MED12L: variants seen among roughly 807,000 people sequenced by gnomAD.
MED12L encodes the protein mediator complex subunit 12L.
In MED12L, 60 loss-of-function variants were observed where a neutral mutation model predicts 281.3. The ratio of observed to expected loss-of-function variants is 0.21; its 90% CI spans 0.17 to 0.26. The LOEUF is 0.26. Ranked by LOEUF, MED12L falls within the 10% of genes least tolerant of loss-of-function variation. The pLI is 1.00. For missense variants in MED12L, 2,146 were observed against 2,680.9 expected, an observed-to-expected ratio of 0.80 and a Z score of 4.41; for synonymous variants, 974 against 987.2, an observed-to-expected ratio of 0.99 and a Z score of 0.25.
chr3:151,241,774 G>A (rs1334328857), intron 16 of MED12L: 1 of 152,684 alleles, frequency 6.5e-6, no homozygotes, highest in African/African-American at 2.4e-5. Flanking sequence ...AATGAATTAG[G>A]GGAGGAGCCA....
chr3:151,253,862 T>G (rs1737297743), intron 16 of MED12L, among the ~76,000 whole-genome samples: 1 of 152,068 alleles, frequency 6.6e-6, no homozygotes. Context: ...AAGACTTAGC[T>G]CCACTGAAAA....
intron 16 of MED12L, among the ~76,000 whole-genome samples, chr3:151,349,851 A>C (rs1030849079): frequency 7.5e-6 from 1 of 133,942 alleles, no homozygotes; most frequent in East Asian, 2.5e-4. Context: ...GTCAGTTGAC[A>C]CTTTTTTTTT....
chr3:151,430,530 T>G (rs1468659617), intron 44 of MED12L, 150 bp downstream of exon 44: 1 of 1,303,062 alleles, frequency 7.7e-7, no homozygotes, highest in African/African-American at 1.5e-5. Flanking sequence ...ATTTTCATTC[T>G]GTCTTCGTTT....
At chr3:151,327,734 T>TTA (rs1749806079) in intron 16 of MED12L, 1 of 252,030 alleles carries the variant, frequency 4.0e-6, no homozygotes, top group Non-Finnish European at 7.2e-6. Context: ...CTCTTGAAAT[T>TTA]AAAAAAAAAA....
intron 5 of MED12L, among the ~76,000 whole-genome samples, chr3:151,130,700 T>A (rs990866922): frequency 2.6e-5 from 4 of 152,230 alleles, no homozygotes; most frequent in African/African-American, 9.6e-5. Context: ...CACATGGGCC[T>A]GCTCCCTTGC....
chr3:151,251,993 A>G (rs974338847), intron 16 of MED12L, among the ~76,000 whole-genome samples: 4 of 152,168 alleles, frequency 2.6e-5, no homozygotes, highest in Admixed American at 1.3e-4. Context: ...AAATTATTAC[A>G]TAACTGTGTA....
chr3:151,175,427 C>T (rs1002332031), intron 11 of MED12L, among the ~76,000 whole-genome samples: 1 of 152,122 alleles, frequency 6.6e-6, no homozygotes, highest in Non-Finnish European at 1.5e-5. Flanking sequence ...TTTTAAAAAA[C>T]GTTTCAACTC....
Position 151,383,693 on chromosome 3 carries a change from AAC to A in MED12L, c.4681-84_4681-83del, listed in dbSNP as rs1491378410. ...GCATCCCTTGTTTTTTTAAATAAAA[AAC>A]AATCAAAATTTGATAACATAAAGCA... On this transcript the variant is annotated intron_variant, in intron 33 of 44. Transcript: ENST00000687756. 2.9e-5 allele frequency: 24 copies of A among 816,904 alleles called. No individual in the cohort carries two copies. The African/African-American group carries it at 3.6e-4, about 12-fold the overall frequency. The allele number at this position is 816,904 out of a possible 1,614,324, so 50.6% of individuals were successfully genotyped here.
In MED12L at chr3:151,188,626, G is replaced by GT. The variant is rs879032709; in HGVS notation, c.1753+152dup. 88 of 695,986 alleles carry GT rather than the reference G, an allele frequency of 1.3e-4. No individual in the cohort carries two copies. In the East Asian group the frequency reaches 2.1e-3, roughly 17 times the overall value. 43.1% of individuals were successfully genotyped at this position (695,986 alleles called of 1,614,324 possible). On this transcript the variant is annotated intron_variant, in intron 13 of 44. Coordinates refer to ENST00000687756, the MANE Select transcript of MED12L (RefSeq NM_001393769.1). ...TTTACTGAGCAAAATTTTGTGGCATGTTTTTTCATGGAGACTTTTAGGCAA... is the reference window on the plus strand; with the variant it reads ...TTTACTGAGCAAAATTTTGTGGCATGTTTTTTTCATGGAGACTTTTAGGCAA...
At chr3:151,146,924 G>A (rs148001067) in intron 5 of MED12L, among the ~76,000 whole-genome samples, 159 of 152,096 alleles carry the variant, frequency 1.0e-3, no homozygotes, top group African/African-American at 3.8e-3. Flanking sequence ...CTGGTCTTGT[G>A]GCACTGAGGC....
chr3:151,149,146 G>A (rs1373473116), intron 5 of MED12L, among the ~76,000 whole-genome samples: 1 of 152,168 alleles, frequency 6.6e-6, no homozygotes, highest in Admixed American at 6.5e-5. Context: ...TGTTGTCTAC[G>A]TGTAAGGTGT....
intron 6 of MED12L, among the ~76,000 whole-genome samples, chr3:151,156,568 A>G (rs1417681622): frequency 1.3e-5 from 2 of 152,204 alleles, no homozygotes; most frequent in Non-Finnish European, 2.9e-5. Context: ...TAGTGCTATT[A>G]ATTAGTTCGT....
intron 16 of MED12L, among the ~76,000 whole-genome samples, chr3:151,247,962 C>CTTTTTTTTTTTTTT (rs61102632): frequency 8.7e-4 from 66 of 75,900 alleles, no homozygotes; most frequent in East Asian, 1.8e-3. Context: ...TCTTCTTCTT[C>CTTTTTTTTTTTTTT]TTTTTTTTTT....
chr3:151,142,231 G>A (rs1188448170), intron 5 of MED12L, among the ~76,000 whole-genome samples: 1 of 152,206 alleles, frequency 6.6e-6, no homozygotes, highest in African/African-American at 2.4e-5. Flanking sequence ...TCTGGGTCCT[G>A]TTTGATTTAC....
chr3:151,097,637 T>G (rs1298044906), intron 2 of MED12L, among the ~76,000 whole-genome samples: 1 of 151,866 alleles, frequency 6.6e-6, no homozygotes, highest in African/African-American at 2.4e-5. Flanking sequence ...GGGGCGAGAG[T>G]GCATTTTCTT....
At chr3:151,390,237 C>T (rs1714020442) in intron 38 of MED12L, 102 bp downstream of exon 38, 2 of 1,106,058 alleles carry the variant, frequency 1.8e-6, no homozygotes, top group Admixed American at 3.9e-5. Flanking sequence ...ATTTCAACCA[C>T]TGAGTGCTCA....
At chr3:151,101,703 T>TGGG (rs1478529992) in intron 2 of MED12L, among the ~76,000 whole-genome samples, 3 of 114,684 alleles carry the variant, frequency 2.6e-5, no homozygotes, top group African/African-American at 9.9e-5. Flanking sequence ...CCCAGCAGGT[T>TGGG]GGGGGGTGGG....
At chr3:151,133,020 C>T (rs1295797423) in intron 5 of MED12L, among the ~76,000 whole-genome samples, 1 of 152,192 alleles carries the variant, frequency 6.6e-6, no homozygotes, top group African/African-American at 2.4e-5. Context: ...GTTCTGTGTT[C>T]TGGCATTGAT....
At chr3:151,139,619 C>T (rs1920392) in intron 5 of MED12L, among the ~76,000 whole-genome samples, 39,490 of 151,876 alleles carry the variant, frequency 0.26, 6,240 homozygotes, top group African/African-American at 0.46. Context: ...AGAATATTGG[C>T]GGGACAGGCA....
Sources: allele counts gnomAD v4.1 joint callset (sites outside exome capture counted in the v4.1 genomes callset), GRCh38; gene constraint gnomAD v4.1.1; transcripts MANE v1.5; gene names NCBI Gene and HGNC (gene_info 2026-07-23, HGNC 2026-07-21).